The following HAUS2 variants were observed in gnomAD, a reference collection of about 807,000 sequenced individuals.
HAUS2 encodes the protein HAUS augmin like complex subunit 2, also known as HAUS augmin-like complex subunit 2.
Under a neutral mutation model 21.6 loss-of-function variants are expected in HAUS2, and 20 were observed. The ratio of observed to expected loss-of-function variants is 0.93; its 90% CI spans 0.65 to 1.35. HAUS2 has a LOEUF of 1.35. Among genes scored for constraint, HAUS2 ranks in the 40% most tolerant of loss-of-function variants. HAUS2 has a pLI of 0.00. For missense variants in HAUS2, 297 were observed against 280.7 expected (o/e 1.06, Z -0.42); for synonymous variants, 113 against 95.6 (o/e 1.18, Z -1.06).
At position 42,548,847 on chromosome 15, in the gene HAUS2, G is replaced by A. The variant is rs200759756; in HGVS notation, c.-26G>A. On this transcript the variant is annotated 5_prime_UTR_variant, in exon 1 of 6. Transcript: ENST00000260372. ...CCCTGCGATCCCGCTCACTCTTGGC[G>A]CCTTCGCGGAAGGTGCGTCCGAGCC... 3.2e-3 allele frequency: 4,928 copies of A among 1,525,608 alleles called. 19 individuals carry two copies. Among genetic ancestry groups the A allele is most frequent in the Non-Finnish European group, 3.4e-3 (3,796 of 1,126,630 alleles). 94.5% of individuals were successfully genotyped at this position (1,525,608 alleles called of 1,614,324 possible).
intron 1 of HAUS2, 135 bp downstream of exon 1, chr15:42,549,100 C>G (rs1057004444): frequency 3.4e-6 from 2 of 586,068 alleles, no homozygotes; most frequent in Non-Finnish European, 6.1e-6. Context: ...AGAGCCCCTT[C>G]CAGGCAACAG....
chr15:42,551,038 C>T (rs2057720913), intron 1 of HAUS2, among the ~76,000 whole-genome samples: 1 of 150,762 alleles, frequency 6.6e-6, no homozygotes, highest in Non-Finnish European at 1.5e-5. Flanking sequence ...CTCTGTTGCC[C>T]AGGCTGGAGT....
In HAUS2 at chr15:42,566,725, C is replaced by A; in HGVS notation, c.617C>A (p.Ala206Asp). Residue 206 changes from alanine to aspartate, a missense_variant, in exon 6 of 6, where the codon GCT becomes GAT. Physicochemically the swap from Ala to Asp is moderately radical, Grantham distance 126. Transcript: ENST00000260372. ...EVSSCIPKIL[A>D]EESYLYKHDI... Reference sequence around the variant, plus strand: ...TCGTCTTGTATCCCCAAAATATTAGCTGAAGAAAGTTATCTTTATAAACAT... The same window carrying A: ...TCGTCTTGTATCCCCAAAATATTAGATGAAGAAAGTTATCTTTATAAACAT... 1 of 1,556,042 alleles carries A rather than the reference C, an allele frequency of 6.4e-7. No individual in the cohort carries two copies. Among genetic ancestry groups the A allele is most frequent in the Non-Finnish European group, 8.9e-7 (1 of 1,127,292 alleles).
chr15:42,551,895 G>C (rs774921815), intron 1 of HAUS2, among the ~76,000 whole-genome samples: 9 of 152,106 alleles, frequency 5.9e-5, no homozygotes, highest in Non-Finnish European at 1.2e-4. Context: ...CCACTCCATA[G>C]CTCCTTAAGA....
In HAUS2 at chr15:42,567,615, G is replaced by C. The variant is rs2057919215; in HGVS notation, c.*799G>C. ...ACACTTTGGGAGGCCGACCCAGATG[G>C]GTGGATCACCTGAGGTCAGGAGTTT... On this transcript the variant is annotated 3_prime_UTR_variant, in exon 6 of 6. Coordinates refer to ENST00000260372, the MANE Select transcript of HAUS2 (RefSeq NM_018097.3). The C allele has an allele frequency of 6.6e-6, 1 of 152,212 alleles. No individual in the cohort carries two copies. Among genetic ancestry groups the C allele is most frequent in the Admixed American group, 6.6e-5 (1 of 15,264 alleles). 9.4% of individuals were successfully genotyped at this position (152,212 alleles called of 1,614,324 possible). A position where few individuals can be genotyped will look rare whatever the true frequency, so the allele number is the denominator to read the frequency against.
chr15:42,557,632 G>C (rs1353504534), intron 1 of HAUS2, among the ~76,000 whole-genome samples: 1 of 150,932 alleles, frequency 6.6e-6, no homozygotes, highest in Non-Finnish European at 1.5e-5. Flanking sequence ...AATGTGCATG[G>C]ACTCATGGAA....
rs2057922471 is a variant in HAUS2 at position 42,567,987 on chromosome 15, G to T, written c.*1171G>T. ...GCCCAGATCGTGCCACCGCACTCTA[G>T]CCTGGGCAACAGAGCAAGACTCTGT... On this transcript the variant is annotated 3_prime_UTR_variant, in exon 6 of 6. Transcript: ENST00000260372. 2 of 149,868 alleles carry T rather than the reference G, an allele frequency of 1.3e-5. No homozygotes were observed. Among genetic ancestry groups the T allele is most frequent in the African/African-American group, 2.5e-5 (1 of 40,572 alleles). The allele number at this position is 149,868 out of a possible 1,614,324, so 9.3% of individuals were successfully genotyped here. A position where few individuals can be genotyped will look rare whatever the true frequency, so the allele number is the denominator to read the frequency against.
At chr15:42,560,925 T>C (rs2057845414) in intron 3 of HAUS2, 1 of 677,254 alleles carries the variant, frequency 1.5e-6, no homozygotes, top group African/African-American at 1.8e-5. Flanking sequence ...TTTTATAGAC[T>C]ATTAGAGTCA....
In HAUS2 at chr15:42,558,201, A is replaced by T. The variant is rs1189028908; in HGVS notation, c.97A>T (p.Met33Leu). Residue 33 changes from methionine to leucine, a missense_variant, in exon 2 of 6, where the codon ATG becomes TTG. By Grantham distance (15) the Met-to-Leu change is conservative. Coordinates refer to ENST00000260372, the MANE Select transcript of HAUS2 (RefSeq NM_018097.3). Reference protein sequence around the residue: ...FIASGMVNQEMLNMSKKTVSC... With the variant: ...FIASGMVNQELLNMSKKTVSC... ...TTCCTTATTCATTTACCAATAGGAGATGTTAAACATGTCTAAGAAAACAGT... is the reference window on the plus strand; with the variant it reads ...TTCCTTATTCATTTACCAATAGGAGTTGTTAAACATGTCTAAGAAAACAGT... 7.4e-7 allele frequency: 1 copy of T among 1,345,160 alleles called. No homozygotes were observed. 83.3% of individuals were successfully genotyped at this position (1,345,160 alleles called of 1,614,324 possible).
At chr15:42,554,303 G>C (rs1251499636) in intron 1 of HAUS2, among the ~76,000 whole-genome samples, 1 of 150,392 alleles carries the variant, frequency 6.6e-6, no homozygotes, top group South Asian at 2.1e-4. Flanking sequence ...TTTTATTGTG[G>C]TAAAATACAT....
At position 42,561,296 on chromosome 15, in the gene HAUS2, A is replaced by G. The variant is rs779426962; in HGVS notation, c.283A>G (p.Met95Val). The change falls in exon 4 of 6, where the codon ATG becomes GTG. Residue 95 changes from methionine (M) to valine (V), a missense_variant. Physicochemically the swap from Met to Val is conservative, Grantham distance 21. Coordinates refer to ENST00000260372, the MANE Select transcript of HAUS2 (RefSeq NM_018097.3). ...TCAGAAGTGTCATACTCTGCAAAGC[A>G]TGAATAATCATTTGGAAGCAGTGCT... ...LAQKCHTLQS[M>V]NNHLEAVLKE... 1.3e-6 allele frequency: 2 copies of G among 1,566,222 alleles called. No homozygotes were observed. The highest frequency in any genetic ancestry group is 2.2e-5 in the South Asian group (2 of 90,060).
At chr15:42,560,946 A>G (rs1327167579) in intron 3 of HAUS2, 3 of 645,038 alleles carry the variant, frequency 4.7e-6, no homozygotes, top group Non-Finnish European at 8.3e-6. Context: ...GGGATAGGAA[A>G]AAAGACTTTG....
chr15:42,557,337 A>ATATATATTTTATATATAT (rs2057790357), intron 1 of HAUS2, among the ~76,000 whole-genome samples: 3 of 33,518 alleles, frequency 9.0e-5, no homozygotes, highest in African/African-American at 1.6e-4. Context: ...ATTATATATA[A>ATATATATTTTATATATAT]TATATATTTT....
At chr15:42,565,432 T>TGTGTGTGTGTGTGTG (rs71108167) in intron 5 of HAUS2, among the ~76,000 whole-genome samples, 1 of 147,440 alleles carries the variant, frequency 6.8e-6, no homozygotes, top group Non-Finnish European at 1.5e-5. Context: ...TGTGTGTGTG[T>TGTGTGTGTGTGTGTG]TTTCTTTTTT....
intron 1 of HAUS2, among the ~76,000 whole-genome samples, chr15:42,550,095 A>C (rs77640060): frequency 1.6e-4 from 24 of 152,128 alleles, no homozygotes; most frequent in African/African-American, 5.6e-4. Flanking sequence ...AGTTAAACTG[A>C]TCTGTAAAAA....
chr15:42,559,353 T>G lies in HAUS2; in HGVS notation c.201T>G (p.Ile67Met), dbSNP rs761896441. 1.1e-5 allele frequency: 17 copies of G among 1,602,352 alleles called. No individual in the cohort carries two copies. In the Admixed American group the frequency reaches 2.0e-4, roughly 19 times the overall value. Residue 67 changes from isoleucine to methionine, a missense_variant, in exon 3 of 6, where the codon ATT (isoleucine) becomes ATG (methionine). Transcript: ENST00000260372. ...TCCTCATGTAGAAAAACCTGGAAAT[T>G]GAACTCCTGAAACTAGAAAAAGATA... ...QAEIYQKNLE[I>M]ELLKLEKDTA...
chr15:42,549,015 C>T (rs1382624577), intron 1 of HAUS2, 50 bp downstream of exon 1: 4 of 1,188,580 alleles, frequency 3.4e-6, no homozygotes, highest in South Asian at 1.3e-5. Context: ...AAGGTGGCAA[C>T]AATATGGCTG....
rs371182549 is a variant in HAUS2, at chr15:42,558,270, A to C, written c.166A>C (p.Ile56Leu). Residue 56 changes from isoleucine to leucine, a missense_variant, in exon 2 of 6, where the codon ATT (isoleucine) becomes CTT (leucine). Ile to Leu is a conservative substitution (Grantham distance 5). Coordinates refer to ENST00000260372, the MANE Select transcript of HAUS2 (RefSeq NM_018097.3). ...CACCAGACTACAGCAGATCACAAAT[A>C]TTCAAGCTGAAATCTACCAGGTAAA... ...NFTRLQQITN[I>L]QAEIYQKNLE... 1 of 1,345,408 alleles carries C rather than the reference A, an allele frequency of 7.4e-7. No individual in the cohort carries two copies. The highest frequency in any genetic ancestry group is 1.5e-5 in the African/African-American group (1 of 68,544). 83.3% of individuals were successfully genotyped at this position (1,345,408 alleles called of 1,614,324 possible).
chr15:42,561,457 T>C (rs1268312072), intron 4 of HAUS2, 55 bp downstream of exon 4: 3 of 1,156,768 alleles, frequency 2.6e-6, no homozygotes, highest in Non-Finnish European at 3.9e-6. Flanking sequence ...GTTTACTTTT[T>C]GTTTTGCAGT....
Sources: gnomAD v4.1 joint callset for allele counts (sites outside exome capture counted in the v4.1 genomes callset) on GRCh38, gnomAD v4.1.1 for gene constraint, MANE v1.5 for transcripts, NCBI Gene and HGNC (gene_info 2026-07-23, HGNC 2026-07-21) for gene names.